The following USP33 variants were observed in gnomAD, a reference collection of about 807,000 sequenced individuals.
USP33 encodes ubiquitin specific peptidase 33.
In USP33, 46 loss-of-function variants were observed where a neutral mutation model predicts 124.2. The observed-to-expected ratio is 0.37, with a 90% CI of 0.29 to 0.47. The LOEUF is 0.47. USP33 is among the 20% of genes least tolerant of loss of function. The pLI is 0.99. For missense variants in USP33, 851 were observed against 1,070.6 expected, an observed-to-expected ratio of 0.79 and a Z score of 2.86; for synonymous variants, 350 against 352.3, an observed-to-expected ratio of 0.99 and a Z score of 0.07.
rs369939510 is a variant in USP33, at chr1:77,697,404, T to A, written c.2649A>T (p.Glu883Asp). 2.8e-5 allele frequency: 45 copies of A among 1,613,358 alleles called. No individual in the cohort carries two copies. In the African/African-American group the frequency reaches 5.6e-4, roughly 20 times the overall value. ...FLQSIYGGGP[E>D]VILRPPVVHV... ...GAACAACCGGAGGTCGCAGGATAAC[T>A]TCAGGCCCTCCACCATAAATAGACT... Residue 883 changes from glutamate (E) to aspartate (D), a missense_variant, in exon 24 of 24, where the codon GAA becomes GAT. Glu to Asp is a conservative substitution (Grantham distance 45, BLOSUM62 2). Around this residue, in one of 4 missense-constraint regions of USP33, gnomAD observed 142 missense variants for 141.8 expected, o/e 1.00. Transcript: ENST00000370794.
intron 1 of USP33, among the ~76,000 whole-genome samples, chr1:77,755,953 A>G (rs1437818990): frequency 6.6e-6 from 1 of 152,222 alleles, no homozygotes; most frequent in Non-Finnish European, 1.5e-5. Context: ...ATGACTGGTC[A>G]TCAACACTCT....
At chr1:77,746,201 TCAC>T (rs1353166720) in intron 1 of USP33, among the ~76,000 whole-genome samples, 1 of 151,994 alleles carries the variant, frequency 6.6e-6, no homozygotes, top group Non-Finnish European at 1.5e-5. Flanking sequence ...AAAGGGGATA[TCAC>T]CACCAATCCC....
At chr1:77,732,789 C>CTTTTTTTTTTTT (rs939934675) in intron 7 of USP33, among the ~76,000 whole-genome samples, 3 of 104,898 alleles carry the variant, frequency 2.9e-5, no homozygotes, top group Admixed American at 1.0e-4. Flanking sequence ...AATGTCTCTT[C>CTTTTTTTTTTTT]TTTTTTTTTT....
chr1:77,748,791 C>CTT (rs1680013663), intron 1 of USP33, among the ~76,000 whole-genome samples: 1 of 131,810 alleles, frequency 7.6e-6, no homozygotes, highest in Admixed American at 7.5e-5. Context: ...CCCCCCCCCC[C>CTT]CGTGCTTGAA....
chr1:77,719,678 C>A (rs530622914), intron 15 of USP33, among the ~76,000 whole-genome samples: 2 of 151,840 alleles, frequency 1.3e-5, no homozygotes, highest in Non-Finnish European at 2.9e-5. Flanking sequence ...TATGGCAAAA[C>A]CCCATCTCAA....
At chr1:77,750,663 A>T (rs1570870943) in intron 1 of USP33, among the ~76,000 whole-genome samples, 1 of 150,166 alleles carries the variant, frequency 6.7e-6, no homozygotes, top group Non-Finnish European at 1.5e-5. Flanking sequence ...AAAGAAAGAA[A>T]GAAAGAAAGA....
chr1:77,702,173 A>AC (rs1326301777), intron 21 of USP33, among the ~76,000 whole-genome samples: 1 of 126,204 alleles, frequency 7.9e-6, no homozygotes, highest in South Asian at 2.3e-4. Context: ...AAAAAAAAAA[A>AC]AAAACCAGTG....
chr1:77,742,054 T>C (rs896328527), intron 1 of USP33, among the ~76,000 whole-genome samples: 4 of 152,106 alleles, frequency 2.6e-5, no homozygotes, highest in Non-Finnish European at 5.9e-5. Flanking sequence ...ATTTCACTTT[T>C]TATAGATAAA....
intron 1 of USP33, among the ~76,000 whole-genome samples, chr1:77,751,241 C>G (rs1004027490): frequency 3.3e-5 from 5 of 152,158 alleles, no homozygotes; most frequent in Non-Finnish European, 7.4e-5. Flanking sequence ...AGTTTTCTCA[C>G]CAATAATGAT....
intron 22 of USP33, among the ~76,000 whole-genome samples, chr1:77,698,142 T>C (rs1673605092): frequency 6.6e-6 from 1 of 151,122 alleles, no homozygotes; most frequent in Non-Finnish European, 1.5e-5. Flanking sequence ...CACAGCTCAC[T>C]GCAACCTCCG....
At chr1:77,711,513 C>T in intron 21 of USP33, 1 of 492,496 alleles carries the variant, frequency 2.0e-6, no homozygotes, top group East Asian at 5.6e-5. Flanking sequence ...GGCGACAGAG[C>T]AAGATTTTGT....
At chr1:77,756,396 C>A (rs893589879) in intron 1 of USP33, among the ~76,000 whole-genome samples, 7 of 152,104 alleles carry the variant, frequency 4.6e-5, no homozygotes, top group Admixed American at 2.0e-4. Context: ...AGAGTTGATA[C>A]CTGGACCATC....
chr1:77,751,082 T>G (rs1680288588), intron 1 of USP33, among the ~76,000 whole-genome samples: 1 of 152,184 alleles, frequency 6.6e-6, no homozygotes, highest in South Asian at 2.1e-4. Context: ...AGAAGTAGAT[T>G]TTGCAAAACT....
chr1:77,734,625 C>A (rs1207956018), intron 6 of USP33, among the ~76,000 whole-genome samples: 2 of 152,148 alleles, frequency 1.3e-5, no homozygotes, highest in Admixed American at 6.6e-5. Flanking sequence ...ACAGTTCAAA[C>A]TTTGAAATTT....
At position 77,725,724 on chromosome 1, in the gene USP33, G is replaced by T; in HGVS notation, c.1174C>A (p.Pro392Thr). ...TDVHSNDLST[P>T]QILPSNEGVN... ...CCTTCATTTGATGGAAGGATCTGTG[G>T]TGTAGACAGGTCATTCGAATGGACA... Residue 392 changes from proline (P) to threonine (T), a missense_variant, in exon 11 of 24, where the codon CCA (proline) becomes ACA (threonine). Physicochemically the swap from Pro to Thr is conservative, Grantham distance 38. Coordinates refer to ENST00000370794, the MANE Select transcript of USP33 (RefSeq NM_201624.3). The T allele has an allele frequency of 1.2e-6, 2 of 1,614,018 alleles. No homozygotes were observed. Among genetic ancestry groups the T allele is most frequent in the Non-Finnish European group, 1.7e-6 (2 of 1,179,954 alleles).
intron 1 of USP33, among the ~76,000 whole-genome samples, chr1:77,754,361 T>C (rs1227025855): frequency 6.6e-6 from 1 of 152,156 alleles, no homozygotes; most frequent in African/African-American, 2.4e-5. Flanking sequence ...ATATTTATCA[T>C]GGAAGAAAAT....
chr1:77,729,932 T>C lies in USP33; in HGVS notation c.645A>G (p.Gly215=). 1 of 1,605,110 alleles carries C rather than the reference T, an allele frequency of 6.2e-7. No homozygotes were observed. The highest frequency in any genetic ancestry group is 8.5e-7 in the Non-Finnish European group (1 of 1,177,340). ...GAAACAGAGTAGTAGGCACAACAGA[T>C]CCTGGCCTGAGCAAGAAAACATTTT... ...MTELWHKSRP[G]SVVPTTLFQG... Residue 215 remains glycine (G), a synonymous_variant, in exon 9 of 24, where the codon GGA becomes GGG. Coordinates refer to ENST00000370794, the MANE Select transcript of USP33 (RefSeq NM_201624.3).
At position 77,722,262 on chromosome 1, in the gene USP33, T is replaced by C. The variant is rs1048206238; in HGVS notation, c.1390-66A>G. 2.1e-6 allele frequency: 3 copies of C among 1,412,080 alleles called. No individual in the cohort carries two copies. In the African/African-American group the frequency reaches 4.4e-5, roughly 20 times the overall value. The allele number at this position is 1,412,080 out of a possible 1,614,324, so 87.5% of individuals were successfully genotyped here. On this transcript the variant is annotated intron_variant, in intron 12 of 23. Transcript: ENST00000370794. Reference sequence around the variant, plus strand: ...GCAGTAAAACATTTCCAAGGTTAGATTTTAGACTCTAAAGATCAAAGCATG... The same window carrying C: ...GCAGTAAAACATTTCCAAGGTTAGACTTTAGACTCTAAAGATCAAAGCATG...
chr1:77,700,216 T>A (rs1408685332), intron 22 of USP33, among the ~76,000 whole-genome samples: 7 of 152,142 alleles, frequency 4.6e-5, no homozygotes, highest in Admixed American at 4.6e-4. Flanking sequence ...TAAAAATAAA[T>A]TTTTTTAAAG....
Sources: allele counts gnomAD v4.1 joint callset (sites outside exome capture counted in the v4.1 genomes callset), GRCh38; gene constraint gnomAD v4.1.1; regional missense constraint gnomAD v4.1.1; transcripts MANE v1.5; gene names NCBI Gene and HGNC (gene_info 2026-07-23, HGNC 2026-07-21).